The following COLGALT1 variants were observed in gnomAD, a reference collection of about 807,000 sequenced individuals.
COLGALT1 encodes the protein collagen beta(1-O)galactosyltransferase 1, also known as procollagen galactosyltransferase 1.
In COLGALT1, 43 loss-of-function variants were observed where a neutral mutation model predicts 60.8. The observed-to-expected ratio is 0.71, with a 90% CI of 0.55 to 0.91. COLGALT1 has a LOEUF of 0.91. Among genes scored for constraint, COLGALT1 ranks in the 40% least tolerant of loss-of-function variants. The pLI is 0.00. For synonymous variants in COLGALT1, 369 were observed against 374.2 expected (o/e 0.99, Z 0.16); for missense variants, 845 against 880.0 (o/e 0.96, Z 0.50).
At chr19:17,580,597 C>T in intron 10 of COLGALT1, 102 bp from the exon 11 acceptor site, 1 of 1,122,598 alleles carries the variant, frequency 8.9e-7, no homozygotes, top group East Asian at 2.5e-5. Flanking sequence ...GCTGAGCCTG[C>T]TCCCATCCCA....
At chr19:17,572,421 G>A in intron 5 of COLGALT1, 62 bp from the exon 6 acceptor site, 2 of 1,609,014 alleles carry the variant, frequency 1.2e-6, no homozygotes, top group East Asian at 4.5e-5. Context: ...TGGGATGGAA[G>A]GCATGAGCCA....
intron 3 of COLGALT1, among the ~76,000 whole-genome samples, chr19:17,561,690 T>A (rs1430188025): frequency 2.0e-5 from 3 of 151,272 alleles, no homozygotes; most frequent in Non-Finnish European, 4.4e-5. Flanking sequence ...TATTATTTTT[T>A]AATTTGTATA....
At chr19:17,571,512 G>A (rs1038199473) in intron 5 of COLGALT1, among the ~76,000 whole-genome samples, 16 of 151,630 alleles carry the variant, frequency 1.1e-4, no homozygotes, top group African/African-American at 3.6e-4. Flanking sequence ...TCAGGATTTC[G>A]AGACCAGCCT....
intron 11 of COLGALT1, 119 bp downstream of exon 11, chr19:17,581,024 CG>C: frequency 7.1e-7 from 1 of 1,399,114 alleles, no homozygotes; most frequent in South Asian, 1.2e-5. Flanking sequence ...CTTCTCCCTC[CG>C]TTTGCCCCCT....
At chr19:17,556,322 G>A (rs2076211214) in intron 1 of COLGALT1, among the ~76,000 whole-genome samples, 1 of 152,228 alleles carries the variant, frequency 6.6e-6, no homozygotes, top group South Asian at 2.1e-4. Context: ...TCACTAACTG[G>A]GGCTCTAACT....
rs74335244 is a variant in COLGALT1 at position 17,582,286 on chromosome 19, C to T, written c.*842C>T. The T allele has an allele frequency of 2.2e-4, 34 of 152,340 alleles. No individual in the cohort carries two copies. The highest frequency in any genetic ancestry group is 7.7e-4 in the African/African-American group (32 of 41,564). The allele number at this position is 152,340 out of a possible 1,614,324, so 9.4% of individuals were successfully genotyped here. ...CACATATTGGTCACCTACTGTGTGC[C>T]TGGCACTCATGTCACAAAGATAAGT... On this transcript the variant is annotated 3_prime_UTR_variant, in exon 12 of 12. Coordinates refer to ENST00000252599, the MANE Select transcript of COLGALT1 (RefSeq NM_024656.4).
intron 5 of COLGALT1, among the ~76,000 whole-genome samples, chr19:17,571,049 T>C (rs947659445): frequency 2.5e-4 from 38 of 152,150 alleles, no homozygotes; most frequent in African/African-American, 8.7e-4. Flanking sequence ...AACAGAGTCA[T>C]TGAGATAGAA....
rs2115492 is a variant in COLGALT1, at chr19:17,578,005, T to G, written c.1182T>G (p.Pro394=). ...AGGCGCTGGGGATCCAGATGCTGCC[T>G]GGCTACCGGGACCCCTACCACGGCC... is the stretch of plus-strand genomic sequence containing the variant. The part of the protein sequence containing the change: ...QVEALGIQML[P]GYRDPYHGRP... Residue 394 remains proline, a synonymous_variant, in exon 9 of 12, where the codon CCT becomes CCG. Transcript: ENST00000252599. The G allele has an allele frequency of 2.6e-3, 4,204 of 1,611,516 alleles. 36 individuals carry two copies. The African/African-American group carries it at 0.034, about 13-fold the overall frequency.
intron 3 of COLGALT1, chr19:17,566,267 CAG>C (rs1388822183): frequency 9.2e-5 from 14 of 151,750 alleles, no homozygotes; most frequent in African/African-American, 3.1e-4. Flanking sequence ...TTGGGAGACT[CAG>C]GGAGAATTGC....
intron 6 of COLGALT1, among the ~76,000 whole-genome samples, chr19:17,575,277 GCT>G (rs1286889125): frequency 6.6e-6 from 1 of 151,694 alleles, no homozygotes; most frequent in African/African-American, 2.4e-5. Flanking sequence ...ACGGAGTCTC[GCT>G]CTGTCTCCCA....
At chr19:17,564,460 A>G (rs1599781450) in intron 3 of COLGALT1, among the ~76,000 whole-genome samples, 1 of 131,018 alleles carries the variant, frequency 7.6e-6, no homozygotes, top group Non-Finnish European at 1.6e-5. Context: ...TTTGTCACCC[A>G]GGCTAGAGTG....
rs187494611 is a variant in COLGALT1, at chr19:17,559,965, T to C, written c.372-383T>C. Among the ~76,000 whole-genome samples, 33 of 152,254 alleles carry C rather than the reference T, an allele frequency of 2.2e-4. 2 individuals carry two copies. In the East Asian group the frequency reaches 6.0e-3, roughly 28 times the overall value. Reference sequence around the variant, plus strand: ...ACCATGCCTAGCTAATGTTTTTGTATTTTTTGTAGAGATAGGGTCTCACTG... The same window carrying C: ...ACCATGCCTAGCTAATGTTTTTGTACTTTTTGTAGAGATAGGGTCTCACTG... On this transcript the variant is annotated intron_variant, in intron 2 of 11. Transcript: ENST00000252599.
At chr19:17,558,886 G>A (rs1236114871) in intron 1 of COLGALT1, among the ~76,000 whole-genome samples, 5 of 151,998 alleles carry the variant, frequency 3.3e-5, no homozygotes, top group Admixed American at 6.6e-5. Flanking sequence ...TGGGCCGGGC[G>A]CGGTGGCTCA....
chr19:17,569,557 C>A (rs1411552039), intron 5 of COLGALT1, among the ~76,000 whole-genome samples: 1 of 151,924 alleles, frequency 6.6e-6, no homozygotes, highest in Non-Finnish European at 1.5e-5. Context: ...CTGCCTCAGC[C>A]TCCCAAGTAG....
At chr19:17,560,734 T>A (rs2076243988) in intron 3 of COLGALT1, among the ~76,000 whole-genome samples, 1 of 151,342 alleles carries the variant, frequency 6.6e-6, no homozygotes, top group Admixed American at 6.6e-5. Context: ...AGTCCATTTT[T>A]ATTTTTTTAT....
chr19:17,578,174 C>T, intron 9 of COLGALT1, 85 bp downstream of exon 9: 1 of 1,397,766 alleles, frequency 7.2e-7, no homozygotes, highest in Non-Finnish European at 9.3e-7. Flanking sequence ...GAAAGAGTTC[C>T]CCAAAGCCCC....
Position 17,582,798 on chromosome 19 carries a change from C to T in COLGALT1, c.*1354C>T, listed in dbSNP as rs1764118090. On this transcript the variant is annotated 3_prime_UTR_variant, in exon 12 of 12. Transcript: ENST00000252599. ...GGGGCAAGCACAGGTCCTGGTGGCCCCACGCCACATGTTAGCCCCCCTGGA... is the reference window on the plus strand; with the variant it reads ...GGGGCAAGCACAGGTCCTGGTGGCCTCACGCCACATGTTAGCCCCCCTGGA... The T allele has an allele frequency of 6.6e-6, 1 of 152,274 alleles. No homozygotes were observed. Among genetic ancestry groups the T allele is most frequent in the South Asian group, 2.1e-4 (1 of 4,836 alleles). The allele number at this position is 152,274 out of a possible 1,614,324, so 9.4% of individuals were successfully genotyped here. A position where few individuals can be genotyped will look rare whatever the true frequency, so the allele number is the denominator to read the frequency against.
At position 17,582,711 on chromosome 19, in the gene COLGALT1, T is replaced by A. The variant is rs1437307250; in HGVS notation, c.*1267T>A. On this transcript the variant is annotated 3_prime_UTR_variant, in exon 12 of 12. Transcript: ENST00000252599. ...GATTCTTCCTGTACCCTCGGTCGTC[T>A]GAGCTGTGTGCAGACAACATCCCCC... 1 of 152,278 alleles carries A rather than the reference T, an allele frequency of 6.6e-6. No individual in the cohort carries two copies. Among genetic ancestry groups the A allele is most frequent in the Non-Finnish European group, 1.5e-5 (1 of 68,062 alleles). 9.4% of individuals were successfully genotyped at this position (152,278 alleles called of 1,614,324 possible).
At chr19:17,578,841 A>G (rs2076360915) in intron 9 of COLGALT1, among the ~76,000 whole-genome samples, 1 of 151,896 alleles carries the variant, frequency 6.6e-6, no homozygotes, top group African/African-American at 2.4e-5. Context: ...TGAAACCTAG[A>G]CTCTACTAAA....
Sources: allele counts gnomAD v4.1 joint callset (sites outside exome capture counted in the v4.1 genomes callset), GRCh38; gene constraint gnomAD v4.1.1; transcripts MANE v1.5; gene names NCBI Gene and HGNC (gene_info 2026-07-23, HGNC 2026-07-21).